PRDM7: variants seen among roughly 807,000 people sequenced by gnomAD.
PRDM7 encodes histone-lysine N-methyltransferase PRDM7.
A neutral mutation model predicts 64.3 loss-of-function variants in PRDM7; 52 were observed. That is an observed-to-expected ratio of 0.81 (90% CI 0.65 to 1.02). PRDM7 has a LOEUF of 1.02. PRDM7 is among the 50% of genes least tolerant of loss of function. PRDM7 has a pLI of 0.00. For synonymous variants in PRDM7, 192 were observed against 210.1 expected, an observed-to-expected ratio of 0.91 and a Z score of 0.74; for missense variants, 574 against 597.1, an observed-to-expected ratio of 0.96 and a Z score of 0.40.
At chr16:90,074,199 G>A (rs1052205990) in intron 4 of PRDM7, among the ~76,000 whole-genome samples, 26 of 151,816 alleles carry the variant, frequency 1.7e-4, no homozygotes, top group African/African-American at 6.3e-4. Flanking sequence ...GTTTCAGGCT[G>A]CAGTGAGTTA....
At chr16:90,073,158 G>T (rs1412890722) in intron 4 of PRDM7, among the ~76,000 whole-genome samples, 1 of 152,120 alleles carries the variant, frequency 6.6e-6, no homozygotes, top group Non-Finnish European at 1.5e-5. Context: ...CTCCAGAATC[G>T]AGACAAAGAA....
chr16:90,075,009 G>T lies in PRDM7; in HGVS notation c.208C>A (p.Arg70=), dbSNP rs755499161. The T allele has an allele frequency of 6.2e-7, 1 of 1,614,168 alleles. No homozygotes were observed. Among genetic ancestry groups the T allele is most frequent in the Non-Finnish European group, 8.5e-7 (1 of 1,180,032 alleles). The change falls in exon 4 of 11, where the codon CGA becomes AGA. Residue 70 remains arginine, a synonymous_variant. Coordinates refer to ENST00000449207, the MANE Select transcript of PRDM7 (RefSeq NM_001098173.2). This position sits in a 1 kb window ranked among gnomAD's most constrained non-coding sequence, Gnocchi z 4.3. ...ALITVGLRAT[R]PAFMCHRRQA... is the part of the protein sequence containing the mutation. ...CTTCGGTGACACATGAAAGCTGGTC[G>T]AGTGGCTCTGAGACCTGAAAAGAAG...
rs770185349 is a variant in PRDM7 at position 90,060,593 on chromosome 16, C to T, written c.981G>A (p.Glu327=). ...RYVNCARDDE[E]QNLVAFQYHR... ...GGTACTGGAAGGCCACCAGGTTCTGCTCTTCATCATCCCGGGCACAGTTCA... is the reference window on the plus strand; with the variant it reads ...GGTACTGGAAGGCCACCAGGTTCTGTTCTTCATCATCCCGGGCACAGTTCA... Residue 327 remains glutamate, a synonymous_variant, in exon 10 of 11, where the codon GAG becomes GAA. Transcript: ENST00000449207. The T allele has an allele frequency of 6.2e-7, 1 of 1,614,132 alleles. No homozygotes were observed. The highest frequency in any genetic ancestry group is 8.5e-7 in the Non-Finnish European group (1 of 1,179,992).
At position 90,060,468 on chromosome 16, in the gene PRDM7, G is replaced by T. The variant is rs1464880978; in HGVS notation, c.1106C>A (p.Ser369Tyr). The change falls in exon 10 of 11, where the codon TCT becomes TAT. Residue 369 changes from serine (S) to tyrosine (Y), a missense_variant. Transcript: ENST00000449207. The stretch of plus-strand genomic sequence containing the variant: ...TAATGACTCGGCAGGTTCTATAGAA[G>T]ATCTGATGCCCAGTTCCTGGCCATA... Reference protein sequence around the residue: ...DEYGQELGIRSSIEPAESLGQ... With the variant: ...DEYGQELGIRYSIEPAESLGQ... 1 of 1,612,786 alleles carries T rather than the reference G, an allele frequency of 6.2e-7. No individual in the cohort carries two copies. Among genetic ancestry groups the T allele is most frequent in the Non-Finnish European group, 8.5e-7 (1 of 1,179,622 alleles).
intron 6 of PRDM7, among the ~76,000 whole-genome samples, chr16:90,063,095 T>G (rs2037809686): frequency 6.6e-6 from 1 of 152,204 alleles, no homozygotes; most frequent in Non-Finnish European, 1.5e-5. Flanking sequence ...AATGCTTCTG[T>G]GTGGATTATA....
rs543930532 is a variant in PRDM7, at chr16:90,075,728, C to T, written c.69+114G>A. 3.6e-5 allele frequency: 50 copies of T among 1,392,810 alleles called. No individual in the cohort carries two copies. In the African/African-American group the frequency reaches 4.7e-4, roughly 13 times the overall value. 86.3% of individuals were successfully genotyped at this position (1,392,810 alleles called of 1,614,324 possible). ...CCCATGTCCTGGCCAGGACCAGCTG[C>T]CCCCATTCCATGCACATTCAGACAG... is the stretch of plus-strand genomic sequence containing the variant. On this transcript the variant is annotated intron_variant, in intron 2 of 10. Coordinates refer to ENST00000449207, the MANE Select transcript of PRDM7 (RefSeq NM_001098173.2). This position sits in a 1 kb window ranked among gnomAD's most constrained non-coding sequence, Gnocchi z 4.3.
At chr16:90,070,011 C>T (rs1451281175) in intron 4 of PRDM7, 8 of 157,210 alleles carry the variant, frequency 5.1e-5, no homozygotes, top group African/African-American at 1.3e-4. Flanking sequence ...GCTGAGATCA[C>T]GCCATTGCAC....
chr16:90,061,972 C>T lies in PRDM7; in HGVS notation c.831G>A (p.Glu277=), dbSNP rs2037786229. Residue 277 remains glutamate (E), a synonymous_variant, in exon 8 of 11, where the codon GAG becomes GAA. Coordinates refer to ENST00000449207, the MANE Select transcript of PRDM7 (RefSeq NM_001098173.2). ...LPLGLHFGPY[E]GRITEDEEAA... ...CCTCTTCGTCTTCTGTAATTCGGCCCTCATAGGGGCCAAAGTGCAGACCCA... is the reference window on the plus strand; with the variant it reads ...CCTCTTCGTCTTCTGTAATTCGGCCTTCATAGGGGCCAAAGTGCAGACCCA... 13 of 1,614,278 alleles carry T rather than the reference C, an allele frequency of 8.1e-6. No individual in the cohort carries two copies. The highest frequency in any genetic ancestry group is 1.0e-5 in the Non-Finnish European group (12 of 1,180,056).
At chr16:90,058,976 A>G (rs376353546) in intron 10 of PRDM7, among the ~76,000 whole-genome samples, 1 of 152,182 alleles carries the variant, frequency 6.6e-6, no homozygotes, top group East Asian at 1.9e-4. Context: ...AACACTCTTG[A>G]TGACTTAGGT....
At chr16:90,070,986 T>C (rs2037947841) in intron 4 of PRDM7, among the ~76,000 whole-genome samples, 1 of 152,212 alleles carries the variant, frequency 6.6e-6, no homozygotes, top group African/African-American at 2.4e-5. Context: ...TATCACCTTA[T>C]CCTGTTATGA....
At chr16:90,072,415 C>G (rs770868721) in intron 4 of PRDM7, among the ~76,000 whole-genome samples, 20 of 152,116 alleles carry the variant, frequency 1.3e-4, no homozygotes, top group Non-Finnish European at 2.5e-4. Context: ...AGAAGAAAAT[C>G]TTGTCACATG....
chr16:90,062,685 T>C (rs2037803628), intron 6 of PRDM7, among the ~76,000 whole-genome samples, 183 bp from the exon 7 acceptor site: 2 of 152,242 alleles, frequency 1.3e-5, no homozygotes, highest in Admixed American at 6.5e-5. Flanking sequence ...TAGATGCCTA[T>C]TCAATTTTAG....
chr16:90,075,973 C>T lies in PRDM7; in HGVS notation c.-63G>A. On this transcript the variant is annotated 5_prime_UTR_variant, in exon 2 of 11. Transcript: ENST00000449207. This position sits in a 1 kb window ranked among gnomAD's most constrained non-coding sequence, Gnocchi z 4.3. ...GAGTGTGGGAAGGGCCCCTGAGTCT[C>T]CCAGCTCCTAGGCCAAAGGCTCCTG... is the stretch of plus-strand genomic sequence containing the variant. 6.4e-7 allele frequency: 1 copy of T among 1,558,052 alleles called. No individual in the cohort carries two copies. Among genetic ancestry groups the T allele is most frequent in the East Asian group, 2.3e-5 (1 of 43,188 alleles).
In PRDM7 at chr16:90,075,372, A is replaced by G. The variant is rs756634797; in HGVS notation, c.172T>C (p.Tyr58His). 4 of 1,614,100 alleles carry G rather than the reference A, an allele frequency of 2.5e-6. No individual in the cohort carries two copies. The highest frequency in any genetic ancestry group is 3.4e-6 in the Non-Finnish European group (4 of 1,180,040). The change falls in exon 3 of 11, where the codon TAT becomes CAT. Residue 58 changes from tyrosine (Y) to histidine (H), a missense_variant. Tyr to His is a moderately conservative substitution (Grantham distance 83, BLOSUM62 2). Coordinates refer to ENST00000449207, the MANE Select transcript of PRDM7 (RefSeq NM_001098173.2). This position sits in a 1 kb window ranked among gnomAD's most constrained non-coding sequence, Gnocchi z 4.3. The stretch of plus-strand genomic sequence containing the variant: ...TTACCTACAGTAATCAGTGCATTAT[A>G]GTTCATTTTCACATTCCTATAGCGA... ...KTRYRNVKMN[Y>H]NALITVGLRA...
chr16:90,060,507 C>A lies in PRDM7; in HGVS notation c.1067G>T (p.Trp356Leu), dbSNP rs758306818. Residue 356 changes from tryptophan (W) to leucine (L), a missense_variant, in exon 10 of 11, where the codon TGG (tryptophan) becomes TTG (leucine). Physicochemically the swap from Trp to Leu is moderately conservative, Grantham distance 61. Coordinates refer to ENST00000449207, the MANE Select transcript of PRDM7 (RefSeq NM_001098173.2). ...VIRPGCELLV[W>L]SGDEYGQELG... ...TTCCTGGCCATACTCATCCCCAGACCAGACCAGCAGTTCACAGCCTGGCCT... is the reference window on the plus strand; with the variant it reads ...TTCCTGGCCATACTCATCCCCAGACAAGACCAGCAGTTCACAGCCTGGCCT... 5.6e-6 allele frequency: 9 copies of A among 1,613,722 alleles called. No individual in the cohort carries two copies. In the African/African-American group the frequency reaches 1.1e-4, roughly 19 times the overall value.
At chr16:90,065,912 A>G (rs2037866574) in intron 5 of PRDM7, among the ~76,000 whole-genome samples, 1 of 151,228 alleles carries the variant, frequency 6.6e-6, no homozygotes, top group African/African-American at 2.5e-5. Flanking sequence ...AGGCTCTCAG[A>G]GGCCCTGAGC....
intron 4 of PRDM7, among the ~76,000 whole-genome samples, chr16:90,069,116 A>C (rs1301437382): frequency 6.6e-6 from 1 of 151,342 alleles, no homozygotes; most frequent in Non-Finnish European, 1.5e-5. Flanking sequence ...AGCATATTAC[A>C]AAGCTACAGT....
At chr16:90,061,793 A>G in intron 8 of PRDM7, 128 bp downstream of exon 8, 3 of 1,439,082 alleles carry the variant, frequency 2.1e-6, no homozygotes, top group Middle Eastern at 1.8e-4. Flanking sequence ...TCATGCAAAG[A>G]CCCTTGAGTA....
At chr16:90,059,059 T>G (rs1415344687) in intron 10 of PRDM7, among the ~76,000 whole-genome samples, 1 of 152,190 alleles carries the variant, frequency 6.6e-6, no homozygotes, top group Non-Finnish European at 1.5e-5. Context: ...GATCCACAAA[T>G]GTGGTTAAAG....
Sources: gnomAD v4.1 joint callset for allele counts (sites outside exome capture counted in the v4.1 genomes callset) on GRCh38, gnomAD v4.1.1 for gene constraint, Gnocchi (gnomAD v3.1) non-coding constraint, MANE v1.5 for transcripts, NCBI Gene and HGNC (gene_info 2026-07-23, HGNC 2026-07-21) for gene names.